Variants in SHOX2 observed in about 807,000 individuals in gnomAD.
SHOX2 encodes SHOX homeobox 2, also known as short stature homeobox protein 2.
A neutral mutation model predicts 31.3 loss-of-function variants in SHOX2; 13 were observed. The ratio of observed to expected loss-of-function variants is 0.42; its 90% CI spans 0.27 to 0.66. The LOEUF (loss-of-function observed/expected upper bound fraction) is 0.66. Ranked by LOEUF, SHOX2 falls within the 30% of genes least tolerant of loss-of-function variation. The pLI is 0.27. For missense variants in SHOX2, 473 were observed against 443.0 expected (o/e 1.07, Z -0.61); for synonymous variants, 244 against 196.2 (o/e 1.24, Z -2.04).
intron 1 of SHOX2, among the ~76,000 whole-genome samples, chr3:158,104,326 A>G (rs1276985229): frequency 2.0e-5 from 3 of 152,242 alleles, no homozygotes; most frequent in Non-Finnish European, 1.5e-5. Flanking sequence ...CCACCACTTT[A>G]CAAATTTAGG....
chr3:158,103,090 C>G (rs553832257), intron 1 of SHOX2: 3 of 618,456 alleles, frequency 4.9e-6, no homozygotes, highest in Non-Finnish European at 8.5e-6. Flanking sequence ...GCGCAAAGGT[C>G]AAGTCTGAGC....
Position 158,100,085 on chromosome 3 carries a change from A to G in SHOX2, c.614-137T>C, listed in dbSNP as rs932748301. On this transcript the variant is annotated intron_variant, in intron 3 of 4. Coordinates refer to ENST00000483851, the MANE Select transcript of SHOX2 (RefSeq NM_001163678.2). The stretch of plus-strand genomic sequence containing the variant: ...CTAAACTGCATCCAAAATTTAAATA[A>G]ATGTAACTTACTCCCAAACTTTAGG... 9.8e-6 allele frequency: 9 copies of G among 915,238 alleles called. No individual in the cohort carries two copies. In the Admixed American group the frequency reaches 1.8e-4, roughly 19 times the overall value. 56.7% of individuals were successfully genotyped at this position (915,238 alleles called of 1,614,324 possible). A position where few individuals can be genotyped will look rare whatever the true frequency, so the allele number is the denominator to read the frequency against.
In SHOX2 at chr3:158,106,026, G is replaced by A; in HGVS notation, c.-2C>T. The A allele has an allele frequency of 6.2e-7, 1 of 1,609,772 alleles. No individual in the cohort carries two copies. Among genetic ancestry groups the A allele is most frequent in the Admixed American group, 1.7e-5 (1 of 59,994 alleles). On this transcript the variant is annotated 5_prime_UTR_variant, in exon 1 of 5. Transcript: ENST00000483851. The stretch of plus-strand genomic sequence containing the variant: ...GACGAACGCCGTAAGTTCTTCCATC[G>A]CCGCCGCACGTCAGCCCGGCGCTCA...
At position 158,106,241 on chromosome 3, in the gene SHOX2, G is replaced by A. The variant is rs368204197; in HGVS notation, c.-217C>T. 1.1e-5 allele frequency: 8 copies of A among 700,210 alleles called. No homozygotes were observed. The highest frequency in any genetic ancestry group is 5.7e-5 in the African/African-American group (3 of 52,596). 43.4% of individuals were successfully genotyped at this position (700,210 alleles called of 1,614,324 possible). On this transcript the variant is annotated 5_prime_UTR_variant, in exon 1 of 5. Coordinates refer to ENST00000483851, the MANE Select transcript of SHOX2 (RefSeq NM_001163678.2). ...AGGAGAAAAAGAAGTAAGAAGAGGAGGAGGAGGAAGAAGAGGAAGAGGGGG... is the reference window on the plus strand; with the variant it reads ...AGGAGAAAAAGAAGTAAGAAGAGGAAGAGGAGGAAGAAGAGGAAGAGGGGG...
At chr3:158,104,948 G>A (rs931214836) in intron 1 of SHOX2, 39 of 706,906 alleles carry the variant, frequency 5.5e-5, no homozygotes, top group Non-Finnish European at 9.0e-5. Flanking sequence ...AGCACCAAAG[G>A]ATTTTTGCTC....
Position 158,106,186 on chromosome 3 carries a change from GAAGA to G in SHOX2, c.-166_-163del. The G allele has an allele frequency of 2.7e-6, 3 of 1,131,752 alleles. No homozygotes were observed. Among genetic ancestry groups the G allele is most frequent in the Non-Finnish European group, 2.4e-6 (2 of 821,054 alleles). 70.1% of individuals were successfully genotyped at this position (1,131,752 alleles called of 1,614,324 possible). ...AGGAGAAAGAAGAAGAAAAAGAGGAGAAGAAAGAAGAAAGAGGAGGAGAAGTAGA... is the reference window on the plus strand; with the variant it reads ...AGGAGAAAGAAGAAGAAAAAGAGGAGAAGAAGAAAGAGGAGGAGAAGTAGA... On this transcript the variant is annotated 5_prime_UTR_variant, in exon 1 of 5. Coordinates refer to ENST00000483851, the MANE Select transcript of SHOX2 (RefSeq NM_001163678.2).
intron 1 of SHOX2, chr3:158,105,023 T>TGGGG: frequency 2.4e-5 from 5 of 204,902 alleles, no homozygotes; most frequent in Non-Finnish European, 4.5e-5. Context: ...GATCCCCACC[T>TGGGG]CCCCCGCCGC....
intron 2 of SHOX2, among the ~76,000 whole-genome samples, chr3:158,101,312 T>C (rs1713473437): frequency 6.6e-6 from 1 of 152,232 alleles, no homozygotes; most frequent in Non-Finnish European, 1.5e-5. Flanking sequence ...TGCTATTTAG[T>C]ACAACAGAGG....
chr3:158,099,816 G>C, intron 4 of SHOX2, 44 bp downstream of exon 4: 2 of 1,374,734 alleles, frequency 1.5e-6, no homozygotes, highest in Non-Finnish European at 2.1e-6. Context: ...AAACATTCAG[G>C]TATTTTCATA....
At position 158,100,245 on chromosome 3, in the gene SHOX2, G is replaced by C; in HGVS notation, c.613+9C>G. ...AGACTATCAAATGTTCCTTGTATAAGAAGCATACCTTTATGGAGTTGATTT... is the reference window on the plus strand; with the variant it reads ...AGACTATCAAATGTTCCTTGTATAACAAGCATACCTTTATGGAGTTGATTT... On this transcript the variant is annotated intron_variant, in intron 3 of 4. Coordinates refer to ENST00000483851, the MANE Select transcript of SHOX2 (RefSeq NM_001163678.2). 6.3e-7 allele frequency: 1 copy of C among 1,578,810 alleles called. No homozygotes were observed. The highest frequency in any genetic ancestry group is 8.6e-7 in the Non-Finnish European group (1 of 1,161,044).
rs1397897918 is a variant in SHOX2 at position 158,099,882 on chromosome 3, G to C, written c.680C>G (p.Ala227Gly). 6.2e-7 allele frequency: 1 copy of C among 1,613,926 alleles called. No homozygotes were observed. Among genetic ancestry groups the C allele is most frequent in the Non-Finnish European group, 8.5e-7 (1 of 1,179,942 alleles). Residue 227 changes from alanine to glycine, a missense_variant, in exon 4 of 5, where the codon GCT (alanine) becomes GGT (glycine). Ala to Gly is a moderately conservative substitution (Grantham distance 60). Coordinates refer to ENST00000483851, the MANE Select transcript of SHOX2 (RefSeq NM_001163678.2). ...CRVAPYVNVG[A>G]LRMPFQQVQA... ...TGCCTGCTGAAATGGCATCCTTAAA[G>C]CACCTACGTTGACATAAGGTGCGAC...
chr3:158,102,944 G>GCA (rs1387919209), intron 1 of SHOX2, 58 bp from the exon 2 acceptor site: 78 of 1,281,828 alleles, frequency 6.1e-5, no homozygotes, highest in South Asian at 1.6e-4. Context: ...ACACACACAC[G>GCA]CACACACACA....
At chr3:158,102,589 C>A in intron 2 of SHOX2, 89 bp downstream of exon 2, 2 of 1,022,374 alleles carry the variant, frequency 2.0e-6, no homozygotes, top group Non-Finnish European at 3.0e-6. Flanking sequence ...ACACTAGAAG[C>A]ACCACCTCCC....
At chr3:158,104,435 T>A (rs1353284767) in intron 1 of SHOX2, among the ~76,000 whole-genome samples, 1 of 152,264 alleles carries the variant, frequency 6.6e-6, no homozygotes, top group Non-Finnish European at 1.5e-5. Context: ...ATTTTCTAGT[T>A]CTCAGAGTTA....
At chr3:158,100,163 G>T in intron 3 of SHOX2, 91 bp downstream of exon 3, 1 of 1,133,996 alleles carries the variant, frequency 8.8e-7, no homozygotes, top group Non-Finnish European at 1.3e-6. Context: ...TGTCATTTTT[G>T]AGGTTCCTTT....
At chr3:158,098,385 G>A in intron 4 of SHOX2, 101 bp from the exon 5 acceptor site, 1 of 1,454,824 alleles carries the variant, frequency 6.9e-7, no homozygotes, top group Admixed American at 1.9e-5. Flanking sequence ...GAGAGAGTTG[G>A]GTTGTGTTTG....
At chr3:158,104,632 C>G (rs1238194438) in intron 1 of SHOX2, among the ~76,000 whole-genome samples, 1 of 152,200 alleles carries the variant, frequency 6.6e-6, no homozygotes, top group Non-Finnish European at 1.5e-5. Context: ...GGATGCCACT[C>G]AAAGTTTTGG....
chr3:158,106,270 A>T lies in SHOX2; in HGVS notation c.-246T>A. The T allele has an allele frequency of 2.1e-6, 1 of 483,362 alleles. No individual in the cohort carries two copies. Among genetic ancestry groups the T allele is most frequent in the Non-Finnish European group, 3.6e-6 (1 of 281,372 alleles). 29.9% of individuals were successfully genotyped at this position (483,362 alleles called of 1,614,324 possible). A position where few individuals can be genotyped will look rare whatever the true frequency, so the allele number is the denominator to read the frequency against. On this transcript the variant is annotated 5_prime_UTR_variant, in exon 1 of 5. Coordinates refer to ENST00000483851, the MANE Select transcript of SHOX2 (RefSeq NM_001163678.2). ...GAGGAAGAAGAGGAAGAGGGGGAGA[A>T]GGGTGAAGAGGAGAGGGAGGAGGAG...
chr3:158,105,269 C>G, intron 1 of SHOX2: 1 of 645,776 alleles, frequency 1.5e-6, no homozygotes, highest in South Asian at 1.8e-5. Flanking sequence ...TCCCTCCCGG[C>G]AAACTCTGCG....
Sources: allele counts gnomAD v4.1 joint callset (sites outside exome capture counted in the v4.1 genomes callset), GRCh38; gene constraint gnomAD v4.1.1; transcripts MANE v1.5; gene names NCBI Gene and HGNC (gene_info 2026-07-23, HGNC 2026-07-21).